The following CACNA2D3 variants were observed in gnomAD, a reference collection of about 807,000 sequenced individuals.
The protein encoded by CACNA2D3 is voltage-dependent calcium channel subunit alpha-2/delta-3.
Under a neutral mutation model 160.6 loss-of-function variants are expected in CACNA2D3, and 60 were observed. The observed-to-expected ratio is 0.37, with a 90% CI of 0.30 to 0.46. The LOEUF (loss-of-function observed/expected upper bound fraction) is 0.46. CACNA2D3 is among the 20% of genes least tolerant of loss of function. The pLI, the probability that CACNA2D3 is intolerant of heterozygous loss-of-function variation, is 1.00. For synonymous variants in CACNA2D3, 558 were observed against 492.9 expected, an observed-to-expected ratio of 1.13 and a Z score of -1.75; for missense variants, 1,205 against 1,365.0, an observed-to-expected ratio of 0.88 and a Z score of 1.85.
intron 3 of CACNA2D3, among the ~76,000 whole-genome samples, chr3:54,354,498 A>T (rs1025834737): frequency 6.6e-6 from 1 of 152,186 alleles, no homozygotes; most frequent in Non-Finnish European, 1.5e-5. Flanking sequence ...GTGAGCTGCA[A>T]GTTAAATGAG....
chr3:54,145,753 G>A (rs573902109), intron 2 of CACNA2D3, among the ~76,000 whole-genome samples: 20 of 152,304 alleles, frequency 1.3e-4, no homozygotes, highest in African/African-American at 4.8e-4. Context: ...TTTCAATAGG[G>A]AGACCCCTGT....
intron 29 of CACNA2D3, among the ~76,000 whole-genome samples, chr3:54,981,614 TC>T (rs1345877356): frequency 6.6e-6 from 1 of 152,200 alleles, no homozygotes; most frequent in East Asian, 1.9e-4. Flanking sequence ...TTTATTGGCA[TC>T]CCAGGCTTCT....
chr3:54,359,156 A>G lies in CACNA2D3; in HGVS notation c.322-27559A>G, dbSNP rs367908965. On this transcript the variant is annotated intron_variant, in intron 3 of 37. Coordinates refer to ENST00000474759, the MANE Select transcript of CACNA2D3 (RefSeq NM_018398.3). ...GAACATGGCTTCAGGGTCTGTCCTC[A>G]AAATAGGTCTAGGCAAGCTCCCAAG... Among the ~76,000 whole-genome samples, 31 of 152,272 alleles carry G rather than the reference A, an allele frequency of 2.0e-4. 2 individuals are homozygous for G. In the East Asian group the frequency reaches 5.4e-3, roughly 27 times the overall value.
At chr3:54,617,222 G>C (rs913740630) in intron 9 of CACNA2D3, among the ~76,000 whole-genome samples, 2 of 152,120 alleles carry the variant, frequency 1.3e-5, no homozygotes, top group Non-Finnish European at 2.9e-5. Context: ...TGTTTTTCTA[G>C]AATATGGACC....
At chr3:54,680,940 C>T (rs954340688) in intron 11 of CACNA2D3, among the ~76,000 whole-genome samples, 7 of 152,014 alleles carry the variant, frequency 4.6e-5, no homozygotes, top group African/African-American at 1.2e-4. Context: ...GGCTGACAAC[C>T]GAGGGGAGAG....
intron 2 of CACNA2D3, among the ~76,000 whole-genome samples, chr3:54,217,855 TGAGAGACAGA>T (rs745884872): frequency 2.2e-4 from 32 of 143,020 alleles, no homozygotes; most frequent in South Asian, 4.3e-4. Context: ...AATATAGGCC[TGAGAGACAGA>T]GAGAGACAGA....
At chr3:54,215,962 G>A (rs551314040) in intron 2 of CACNA2D3, among the ~76,000 whole-genome samples, 2 of 151,872 alleles carry the variant, frequency 1.3e-5, no homozygotes, top group East Asian at 3.9e-4. Flanking sequence ...ATGTGTATGT[G>A]TACATGTGTG....
chr3:54,123,509 G>GT lies in CACNA2D3; in HGVS notation c.123-3dup. Reference sequence around the variant, plus strand: ...ATATCTTCCTGTGCCCCTTCTCCCTGTAGGGTGAAGCTCTGGGCCTCGGCT... The same window carrying GT: ...ATATCTTCCTGTGCCCCTTCTCCCTGTTAGGGTGAAGCTCTGGGCCTCGGCT... On this transcript the variant is annotated splice_polypyrimidine_tract_variant and splice_region_variant and intron_variant, in intron 1 of 37. Coordinates refer to ENST00000474759, the MANE Select transcript of CACNA2D3 (RefSeq NM_018398.3). 1 of 1,610,390 alleles carries GT rather than the reference G, an allele frequency of 6.2e-7. No individual in the cohort carries two copies. Among genetic ancestry groups the GT allele is most frequent in the Non-Finnish European group, 8.5e-7 (1 of 1,176,640 alleles).
chr3:54,564,553 C>T (rs1258924915), intron 6 of CACNA2D3, among the ~76,000 whole-genome samples: 1 of 152,184 alleles, frequency 6.6e-6, no homozygotes. Context: ...ACATGTGACT[C>T]AAAGAGTGAT....
chr3:54,172,769 T>C (rs1700602029), intron 2 of CACNA2D3, among the ~76,000 whole-genome samples: 1 of 152,242 alleles, frequency 6.6e-6, no homozygotes, highest in East Asian at 1.9e-4. Flanking sequence ...ATTTCATTGA[T>C]TCATTTCTTC....
chr3:54,260,322 G>A lies in CACNA2D3; in HGVS notation c.205-60120G>A, dbSNP rs114921648. On this transcript the variant is annotated intron_variant, in intron 2 of 37. Transcript: ENST00000474759. Reference sequence around the variant, plus strand: ...CTATAAACAGAATACATGAGACCGGGCAATTTATAAAGAAAATAAATATAT... The same window carrying A: ...CTATAAACAGAATACATGAGACCGGACAATTTATAAAGAAAATAAATATAT... Among the ~76,000 whole-genome samples the A allele has an allele frequency of 3.7e-3, 557 of 152,234 alleles. 2 individuals are homozygous for A. Among genetic ancestry groups the A allele is most frequent in the Non-Finnish European group, 5.2e-3 (357 of 68,016 alleles).
chr3:54,995,813 A>T (rs1241671312), intron 31 of CACNA2D3, among the ~76,000 whole-genome samples: 1 of 152,178 alleles, frequency 6.6e-6, no homozygotes, highest in African/African-American at 2.4e-5. Flanking sequence ...CACATCCAGC[A>T]TGCCCCAGTT....
chr3:54,864,413 A>G (rs1326863092), intron 17 of CACNA2D3, among the ~76,000 whole-genome samples: 3 of 152,044 alleles, frequency 2.0e-5, no homozygotes, highest in Non-Finnish European at 4.4e-5. Context: ...AGCTAGGACT[A>G]CGGCACACAC....
chr3:54,291,042 A>C (rs185988392), intron 2 of CACNA2D3, among the ~76,000 whole-genome samples: 8 of 152,282 alleles, frequency 5.3e-5, no homozygotes, highest in Non-Finnish European at 8.8e-5. Context: ...ATGTACCCTA[A>C]AACTTAAAGT....
chr3:54,286,781 T>C (rs1240489190), intron 2 of CACNA2D3, among the ~76,000 whole-genome samples: 1 of 152,090 alleles, frequency 6.6e-6, no homozygotes, highest in African/African-American at 2.4e-5. Flanking sequence ...TTCAACATTC[T>C]TAAAGAAAAG....
chr3:54,671,974 G>T (rs1244909701), intron 11 of CACNA2D3, among the ~76,000 whole-genome samples: 1 of 152,226 alleles, frequency 6.6e-6, no homozygotes, highest in East Asian at 1.9e-4. Flanking sequence ...GCTCTGCCAA[G>T]GGAAAGAGTC....
chr3:54,877,130 A>T (rs967140985), intron 18 of CACNA2D3: 6 of 152,226 alleles, frequency 3.9e-5, no homozygotes, highest in Admixed American at 1.3e-4. Context: ...TTAGTGGTTC[A>T]TGAGCAACAT....
intron 11 of CACNA2D3, among the ~76,000 whole-genome samples, chr3:54,725,703 A>T (rs1019916698): frequency 6.6e-6 from 1 of 152,188 alleles, no homozygotes; most frequent in African/African-American, 2.4e-5. Context: ...CCTTTGACAA[A>T]ATTCAACACC....
At chr3:54,626,538 C>G (rs1699109594) in intron 9 of CACNA2D3, 1 of 1,604,646 alleles carries the variant, frequency 6.2e-7, no homozygotes, top group Admixed American at 1.7e-5. Flanking sequence ...AGATCAAGCC[C>G]GAGATGATCG....
Sources: allele counts gnomAD v4.1 joint callset (sites outside exome capture counted in the v4.1 genomes callset), GRCh38; gene constraint gnomAD v4.1.1; transcripts MANE v1.5; gene names NCBI Gene and HGNC (gene_info 2026-07-23, HGNC 2026-07-21).